HK1: variants seen among roughly 807,000 people sequenced by gnomAD.
HK1 encodes the protein hexokinase 1.
A neutral mutation model predicts 91.6 loss-of-function variants in HK1; 28 were observed. The ratio of observed to expected loss-of-function variants is 0.31; its 90% CI spans 0.23 to 0.42. The LOEUF (loss-of-function observed/expected upper bound fraction) is 0.42. HK1 is among the 10% of genes least tolerant of loss of function. The pLI is 1.00. For synonymous variants in HK1, 430 were observed against 468.1 expected, an observed-to-expected ratio of 0.92 and a Z score of 1.05; for missense variants, 770 against 1,219.8, an observed-to-expected ratio of 0.63 and a Z score of 5.49.
intron 1 of HK1, among the ~76,000 whole-genome samples, chr10:69,273,557 G>A (rs140219554): frequency 0.034 from 5,112 of 152,148 alleles, 302 homozygotes; most frequent in African/African-American, 0.12. Flanking sequence ...TCACCATGTT[G>A]GCCAGGCTGG....
chr10:69,384,702 C>G, intron 11 of HK1, 94 bp from the exon 12 acceptor site: 9 of 1,540,114 alleles, frequency 5.8e-6, no homozygotes, highest in Non-Finnish European at 8.1e-6. Context: ...GGTGTGTTTT[C>G]CTACGTGTGT....
intron 13 of HK1, among the ~76,000 whole-genome samples, chr10:69,388,551 C>T (rs891344266): frequency 2.0e-5 from 3 of 152,270 alleles, no homozygotes; most frequent in Middle Eastern, 3.4e-3. Context: ...CACACACACA[C>T]ACTCACTTAA....
intron 1 of HK1, among the ~76,000 whole-genome samples, chr10:69,281,181 AG>A (rs911025689): frequency 2.0e-5 from 3 of 152,182 alleles, no homozygotes; most frequent in African/African-American, 7.2e-5. Context: ...AATCACCAGG[AG>A]GGCTTGTTAA....
intron 10 of HK1, 149 bp from the exon 11 acceptor site, chr10:69,384,184 T>C: frequency 1.1e-6 from 1 of 920,196 alleles, no homozygotes; most frequent in East Asian, 2.4e-5. Flanking sequence ...TTCCTCTGAG[T>C]CTGTGCTGTG....
chr10:69,396,019 C>G (rs957437702), intron 16 of HK1, among the ~76,000 whole-genome samples: 25 of 152,248 alleles, frequency 1.6e-4, no homozygotes, highest in African/African-American at 5.8e-4. Flanking sequence ...TGCCTGTAAT[C>G]TCAACACTTT....
chr10:69,326,960 T>A (rs1847413012), intron 1 of HK1, among the ~76,000 whole-genome samples: 2 of 152,258 alleles, frequency 1.3e-5, no homozygotes, highest in Admixed American at 1.3e-4. Context: ...ACTGACTATG[T>A]GTTTAAGCAA....
chr10:69,380,178 G>C lies in HK1; in HGVS notation c.1265+83G>C. The stretch of plus-strand genomic sequence containing the variant: ...TCCAGAGATCAGACTTTTGTACCCG[G>C]TAAACGTTTTTCGGCAGACAAGACA... On this transcript the variant is annotated intron_variant, in intron 9 of 17. Coordinates refer to ENST00000359426, the MANE Select transcript of HK1 (RefSeq NM_000188.3). This position sits in a 1 kb window ranked among gnomAD's most constrained non-coding sequence, Gnocchi z 4.0. The C allele has an allele frequency of 8.6e-7, 1 of 1,165,384 alleles. No homozygotes were observed. The highest frequency in any genetic ancestry group is 1.3e-5 in the South Asian group (1 of 79,552). The allele number at this position is 1,165,384 out of a possible 1,614,324, so 72.2% of individuals were successfully genotyped here. A position where few individuals can be genotyped will look rare whatever the true frequency, so the allele number is the denominator to read the frequency against.
intron 1 of HK1, among the ~76,000 whole-genome samples, chr10:69,327,404 T>C (rs1847446844): frequency 6.6e-6 from 1 of 152,248 alleles, no homozygotes; most frequent in Admixed American, 6.5e-5. Flanking sequence ...TCTACGTAAC[T>C]GTTTCATTAA....
intron 13 of HK1, 71 bp downstream of exon 13, chr10:69,386,489 T>G: frequency 7.8e-7 from 1 of 1,275,648 alleles, no homozygotes; most frequent in South Asian, 1.2e-5. Context: ...ATTTGCCTGT[T>G]GTAAAGAATT....
At chr10:69,384,728 T>G in intron 11 of HK1, 68 bp from the exon 12 acceptor site, 1 of 1,605,092 alleles carries the variant, frequency 6.2e-7, no homozygotes, top group Non-Finnish European at 8.5e-7. Flanking sequence ...TATACACACT[T>G]TGGTCCATGT....
chr10:69,277,799 G>A (rs758695785), intron 1 of HK1, among the ~76,000 whole-genome samples: 6 of 152,112 alleles, frequency 3.9e-5, no homozygotes, highest in Admixed American at 6.5e-5. Context: ...TTGGGAGGCC[G>A]ACACAGGCAG....
At chr10:69,325,121 A>G (rs1847263026) in intron 1 of HK1, among the ~76,000 whole-genome samples, 3 of 132,046 alleles carry the variant, frequency 2.3e-5, no homozygotes, top group African/African-American at 5.9e-5. Flanking sequence ...GCACGATCTC[A>G]GCTCACTGCA....
At chr10:69,345,202 C>T (rs72805700) in intron 2 of HK1, among the ~76,000 whole-genome samples, 5,464 of 152,110 alleles carry the variant, frequency 0.036, 159 homozygotes, top group African/African-American at 0.075. Flanking sequence ...ACTGTGGCCA[C>T]GGGTGGGGTC....
At chr10:69,338,581 G>A (rs1482202305) in intron 1 of HK1, 2 of 1,289,698 alleles carry the variant, frequency 1.6e-6, no homozygotes, top group South Asian at 2.5e-5. Flanking sequence ...ATGGAGTGTG[G>A]GGAGGGATTC....
chr10:69,392,550 G>GT (rs1839946251), intron 15 of HK1, among the ~76,000 whole-genome samples: 2 of 152,298 alleles, frequency 1.3e-5, no homozygotes, highest in South Asian at 2.1e-4. Context: ...GCCTGTGACT[G>GT]TTTTTTAGCC....
intron 2 of HK1, among the ~76,000 whole-genome samples, chr10:69,284,418 G>A (rs1844915287): frequency 6.6e-6 from 1 of 152,142 alleles, no homozygotes; most frequent in Admixed American, 6.5e-5. Flanking sequence ...CAAGAGAGTT[G>A]CTTAAGGGCA....
chr10:69,299,469 C>T lies in HK1; in HGVS notation c.-66-1300C>T, dbSNP rs190619728. On this transcript the variant is annotated intron_variant, in intron 4 of 21. Coordinates refer to the HK1 transcript ENST00000360289. ...GCAACCTTCGCCTCCTGGGTTCAAG[C>T]GATTCTCCTGTCTCAGCCTCCCGAG... Among the ~76,000 whole-genome samples the T allele has an allele frequency of 6.7e-4, 101 of 150,402 alleles. No individual in the cohort carries two copies. In the East Asian group the frequency reaches 9.5e-3, roughly 14 times the overall value.
chr10:69,292,656 A>G (rs2132467513), intron 3 of HK1, among the ~76,000 whole-genome samples: 1 of 152,326 alleles, frequency 6.6e-6, no homozygotes, highest in Non-Finnish European at 1.5e-5. Flanking sequence ...GCACTAAGAT[A>G]GGAGGCACTT....
At chr10:69,312,854 G>A (rs1025276091), upstream of HK1, among the ~76,000 whole-genome samples, 1 of 149,892 alleles carries the variant, frequency 6.7e-6, no homozygotes, top group African/African-American at 2.5e-5. Context: ...GTCTCTTCCA[G>A]TGTCTGTTGA....
Sources: allele counts gnomAD v4.1 joint callset (sites outside exome capture counted in the v4.1 genomes callset), GRCh38; gene constraint gnomAD v4.1.1; non-coding constraint Gnocchi (gnomAD v3.1); transcripts MANE v1.5; gene names NCBI Gene and HGNC (gene_info 2026-07-23, HGNC 2026-07-21).